LSAMP: variants seen among roughly 807,000 people sequenced by gnomAD.
LSAMP encodes limbic system-associated membrane protein.
In LSAMP, 7 loss-of-function variants were observed where a neutral mutation model predicts 38.6. The observed-to-expected ratio is 0.18, with a 90% CI of 0.10 to 0.34. The LOEUF is 0.34. Among genes scored for constraint, LSAMP ranks in the 10% least tolerant of loss-of-function variants. The pLI, the probability that LSAMP is intolerant of heterozygous loss-of-function variation, is 1.00. For missense variants in LSAMP, 313 were observed against 420.0 expected (o/e 0.75, Z 2.23); for synonymous variants, 154 against 166.8 (o/e 0.92, Z 0.59).
At chr3:116,209,296 G>C (rs2046119636) in intron 1 of LSAMP, among the ~76,000 whole-genome samples, 1 of 152,118 alleles carries the variant, frequency 6.6e-6, no homozygotes, top group South Asian at 2.1e-4. Flanking sequence ...TGCGCCCACT[G>C]TCTGACACTC....
At chr3:116,214,738 AGTGATCT>A (rs2046200717) in intron 1 of LSAMP, among the ~76,000 whole-genome samples, 1 of 151,978 alleles carries the variant, frequency 6.6e-6, no homozygotes, top group African/African-American at 2.4e-5. Context: ...CCTGACCTCA[AGTGATCT>A]GCCTGCCTCA....
At chr3:116,277,571 C>T (rs2047072931) in intron 1 of LSAMP, among the ~76,000 whole-genome samples, 1 of 152,102 alleles carries the variant, frequency 6.6e-6, no homozygotes, top group African/African-American at 2.4e-5. Context: ...CGGGGTTTCA[C>T]CATGTTAGCC....
chr3:115,823,926 G>A (rs757767921), intron 6 of LSAMP, among the ~76,000 whole-genome samples: 4 of 152,184 alleles, frequency 2.6e-5, no homozygotes, highest in African/African-American at 9.7e-5. Context: ...GTAAGTATAG[G>A]TGCATGATTT....
intron 1 of LSAMP, among the ~76,000 whole-genome samples, chr3:116,279,985 C>CAAAT (rs1386927764): frequency 6.6e-6 from 1 of 151,928 alleles, no homozygotes; most frequent in Non-Finnish European, 1.5e-5. Flanking sequence ...CGAGTTGGGC[C>CAAAT]AAATATTATG....
At chr3:115,999,105 T>A (rs1387476911) in intron 3 of LSAMP, among the ~76,000 whole-genome samples, 2 of 151,856 alleles carry the variant, frequency 1.3e-5, no homozygotes, top group Admixed American at 6.6e-5. Context: ...ACAAAACAAA[T>A]CCCTTGAAAA....
rs547943060 is a variant in LSAMP at position 115,942,066 on chromosome 3, T to A, written c.514+77449A>T. Among the ~76,000 whole-genome samples, 13 of 152,250 alleles carry A rather than the reference T, an allele frequency of 8.5e-5. No homozygotes were observed. In the East Asian group the frequency reaches 1.5e-3, roughly 18 times the overall value. ...TGTACAATTACTTGACAATTGTTTT[T>A]AAAATTTTACTAAAAGAAATATATT... On this transcript the variant is annotated intron_variant, in intron 3 of 6. Transcript: ENST00000490035.
intron 1 of LSAMP, among the ~76,000 whole-genome samples, chr3:116,421,537 T>A (rs2049125672): frequency 3.0e-5 from 1 of 33,202 alleles, no homozygotes; most frequent in Non-Finnish European, 5.7e-5. Context: ...AGAGCAAGAT[T>A]CTGTCTAAAA....
intron 2 of LSAMP, among the ~76,000 whole-genome samples, chr3:116,083,213 A>G (rs1707910285): frequency 6.6e-6 from 1 of 152,142 alleles, no homozygotes; most frequent in South Asian, 2.1e-4. Flanking sequence ...GACAGGAGTG[A>G]GTTTTATGGA....
intron 3 of LSAMP, among the ~76,000 whole-genome samples, chr3:115,873,144 A>G (rs1024394168): frequency 1.3e-5 from 2 of 151,970 alleles, no homozygotes; most frequent in Non-Finnish European, 2.9e-5. Context: ...CCAAGGCAGG[A>G]TGATCATCTG....
intron 3 of LSAMP, among the ~76,000 whole-genome samples, chr3:115,934,578 A>C (rs1289354106): frequency 6.6e-6 from 1 of 152,204 alleles, no homozygotes; most frequent in African/African-American, 2.4e-5. Flanking sequence ...GATCATGATA[A>C]AATGGACACT....
chr3:116,316,599 C>A (rs576048048), intron 1 of LSAMP, among the ~76,000 whole-genome samples: 1 of 151,778 alleles, frequency 6.6e-6, no homozygotes, highest in East Asian at 1.9e-4. Context: ...TATGAAACCC[C>A]GTCTCTACTA....
At chr3:116,281,051 A>G (rs2047120488) in intron 1 of LSAMP, among the ~76,000 whole-genome samples, 1 of 152,184 alleles carries the variant, frequency 6.6e-6, no homozygotes. Context: ...CAAATGATAG[A>G]ATAAAGGTGA....
At chr3:115,862,122 T>C (rs184451731) in intron 3 of LSAMP, among the ~76,000 whole-genome samples, 104 of 152,298 alleles carry the variant, frequency 6.8e-4, no homozygotes, top group Middle Eastern at 6.8e-3. Context: ...GGGACAAATA[T>C]TAGAATTGCT....
intron 1 of LSAMP, among the ~76,000 whole-genome samples, chr3:116,112,589 C>T (rs1708639997): frequency 6.6e-6 from 1 of 152,180 alleles, no homozygotes; most frequent in Non-Finnish European, 1.5e-5. Flanking sequence ...TGGTCCATGG[C>T]TCACACACAT....
chr3:116,278,438 T>A (rs551330278), intron 1 of LSAMP, among the ~76,000 whole-genome samples: 1 of 152,320 alleles, frequency 6.6e-6, no homozygotes, highest in South Asian at 2.1e-4. Flanking sequence ...AATATCATAC[T>A]CATCTGCAAA....
chr3:115,844,314 T>C (rs1217470526), intron 4 of LSAMP, among the ~76,000 whole-genome samples: 1 of 152,218 alleles, frequency 6.6e-6, no homozygotes, highest in African/African-American at 2.4e-5. Flanking sequence ...AGAACCAGGA[T>C]TAGCAGTCAA....
At chr3:116,054,372 G>A (rs1212532887) in intron 2 of LSAMP, among the ~76,000 whole-genome samples, 1 of 152,128 alleles carries the variant, frequency 6.6e-6, no homozygotes, top group Admixed American at 6.5e-5. Context: ...AGGTAACATA[G>A]TCACAGATTC....
chr3:116,241,132 G>A (rs569568678), intron 1 of LSAMP, among the ~76,000 whole-genome samples: 9 of 150,210 alleles, frequency 6.0e-5, no homozygotes, highest in African/African-American at 2.0e-4. Flanking sequence ...AGCCAAGATC[G>A]CACCACTGCA....
In LSAMP at chr3:116,154,609, C is replaced by T. The variant is rs532012909; in HGVS notation, c.156-68053G>A. Among the ~76,000 whole-genome samples the T allele has an allele frequency of 2.0e-5, 3 of 152,272 alleles. No homozygotes were observed. The East Asian group carries it at 5.8e-4, about 30-fold the overall frequency. On this transcript the variant is annotated intron_variant, in intron 1 of 6. Coordinates refer to ENST00000490035, the MANE Select transcript of LSAMP (RefSeq NM_002338.5). ...TAGCCTCACCTAAAGGCATGCCCTCCCTCCCATCTGCATTCAGCTCCACTG... is the reference window on the plus strand; with the variant it reads ...TAGCCTCACCTAAAGGCATGCCCTCTCTCCCATCTGCATTCAGCTCCACTG...
Sources: allele counts gnomAD v4.1 joint callset (sites outside exome capture counted in the v4.1 genomes callset), GRCh38; gene constraint gnomAD v4.1.1; transcripts MANE v1.5; gene names NCBI Gene and HGNC (gene_info 2026-07-23, HGNC 2026-07-21).